The following CSTF2 variants were observed in gnomAD, a reference collection of about 807,000 sequenced individuals.
The protein encoded by CSTF2 is CF-1 64 kDa subunit.
A neutral mutation model predicts 45.4 loss-of-function variants in CSTF2; 8 were observed. The observed-to-expected ratio is 0.18, with a 90% CI of 0.10 to 0.32. The LOEUF (loss-of-function observed/expected upper bound fraction) is 0.32, where lower values mean the gene tolerates loss of function less well. Ranked by LOEUF, CSTF2 falls within the 10% of genes least tolerant of loss-of-function variation. CSTF2 has a pLI of 1.00. For synonymous variants in CSTF2, 155 were observed against 158.9 expected, an observed-to-expected ratio of 0.98 and a Z score of 0.18; for missense variants, 253 against 477.1, an observed-to-expected ratio of 0.53 and a Z score of 4.38.
In CSTF2 at chrX:100,838,316, C is replaced by T. The variant is rs746865264; in HGVS notation, c.1689C>T (p.Ile563=). 2.5e-5 allele frequency: 30 copies of T among 1,202,489 alleles called. No homozygotes were observed. The South Asian group carries it at 4.9e-4, about 20-fold the overall frequency. The change falls in exon 13 of 14, where the codon ATC becomes ATT. Residue 563 remains isoleucine, a synonymous_variant. Transcript: ENST00000372972. ...TGCCTCCTGAGCAAAGGCAGAGTAT[C>T]CTGATTTTAAAGGAACAAATACAGA... ...AMLPPEQRQS[I]LILKEQIQKS... is the part of the protein sequence containing the mutation.
intron 11 of CSTF2, among the ~76,000 whole-genome samples, chrX:100,836,677 G>C (rs1376387661): frequency 8.9e-6 from 1 of 112,087 alleles, no homozygotes; most frequent in Non-Finnish European, 1.9e-5. Context: ...TTAAGTACCA[G>C]TAAGTATGAT....
In CSTF2 at chrX:100,821,700, T is replaced by G. The variant is rs2084918726; in HGVS notation, c.137+95T>G. 8 of 574,437 alleles carry G rather than the reference T, an allele frequency of 1.4e-5. No homozygotes were observed. The South Asian group carries it at 2.1e-4, about 15-fold the overall frequency. 47.3% of individuals were successfully genotyped at this position (574,437 alleles called of 1,213,427 possible). Reference sequence around the variant, plus strand: ...TGGCAGGTTTTCTTTACTGGTGACTTTTCACATACATTTTGTTCTTGTAAC... The same window carrying G: ...TGGCAGGTTTTCTTTACTGGTGACTGTTCACATACATTTTGTTCTTGTAAC... On this transcript the variant is annotated intron_variant, in intron 2 of 13. Transcript: ENST00000372972.
At chrX:100,833,076 G>A in intron 10 of CSTF2, 104 bp from the exon 11 acceptor site, 1 of 1,007,429 alleles carries the variant, frequency 9.9e-7, no homozygotes, top group Non-Finnish European at 1.3e-6. Flanking sequence ...TAGCTGAGGG[G>A]ACAAATGTGA....
intron 7 of CSTF2, among the ~76,000 whole-genome samples, chrX:100,827,581 C>A (rs1223141172): frequency 8.9e-6 from 1 of 111,947 alleles, no homozygotes; most frequent in Non-Finnish European, 1.9e-5. Flanking sequence ...TGTAGAGAAT[C>A]CAGTCTGCAG....
At chrX:100,827,027 C>T (rs1040764357) in intron 7 of CSTF2, among the ~76,000 whole-genome samples, 1 of 111,034 alleles carries the variant, frequency 9.0e-6, no homozygotes, top group Admixed American at 9.6e-5. Context: ...GAAACAAAAT[C>T]AAGCCAGCAA....
chrX:100,835,792 T>C (rs2085004578), intron 11 of CSTF2, among the ~76,000 whole-genome samples: 1 of 110,972 alleles, frequency 9.0e-6, no homozygotes. Flanking sequence ...CTAGTACTTG[T>C]CTGCCTAGAA....
rs755231782 is a variant in CSTF2, at chrX:100,828,427, A to G, written c.889+325A>G. Among the ~76,000 whole-genome samples the G allele has an allele frequency of 2.7e-5, 3 of 112,075 alleles. No homozygotes were observed. The East Asian group carries it at 8.4e-4, about 31-fold the overall frequency. Reference sequence around the variant, plus strand: ...CTCTACAAGAATTGATAATGAAGCAAGTGGATCGTTTGTTTCCTGATTCCT... The same window carrying G: ...CTCTACAAGAATTGATAATGAAGCAGGTGGATCGTTTGTTTCCTGATTCCT... On this transcript the variant is annotated intron_variant, in intron 8 of 13. Transcript: ENST00000372972.
intron 11 of CSTF2, among the ~76,000 whole-genome samples, chrX:100,835,547 C>T (rs1320241307): frequency 5.4e-4 from 54 of 100,801 alleles, no homozygotes; most frequent in African/African-American, 1.9e-3. Flanking sequence ...TGTTCTATAC[C>T]TTTTTTTTTT....
chrX:100,822,110 A>AT, intron 2 of CSTF2, 141 bp from the exon 3 acceptor site: 2 of 446,726 alleles, frequency 4.5e-6, no homozygotes, highest in Non-Finnish European at 7.2e-6. Flanking sequence ...AAAAAAAAAA[A>AT]GTTTTAAAAA....
rs752284093 is a variant in CSTF2 at position 100,826,615 on chromosome X, G to GT, written c.703-11dup. Reference sequence around the variant, plus strand: ...ATCCACAGAGGCATATACATACTCTGTTTTTTTTGCTTGGTCAGGGTGGAA... The same window carrying GT: ...ATCCACAGAGGCATATACATACTCTGTTTTTTTTTGCTTGGTCAGGGTGGAA... On this transcript the variant is annotated intron_variant, in intron 6 of 13. Transcript: ENST00000372972. The GT allele has an allele frequency of 7.2e-5, 87 of 1,200,294 alleles. No individual in the cohort carries two copies. Among genetic ancestry groups the GT allele is most frequent in the Admixed American group, 2.6e-4 (12 of 45,483 alleles).
At chrX:100,835,371 G>A (rs969945935) in intron 11 of CSTF2, among the ~76,000 whole-genome samples, 2 of 109,286 alleles carry the variant, frequency 1.8e-5, no homozygotes, top group African/African-American at 3.3e-5. Flanking sequence ...TTGGAGGCCC[G>A]CCTACACAAG....
rs199627750 is a variant in CSTF2, at chrX:100,824,150, A to G, written c.595A>G (p.Thr199Ala). ...KILHRQTNIP[T>A]LIAGNPQPVH... ...TCTGCATCGCCAGACAAATATCCCAACGCTGATTGCAGGCAACCCTCAGCC... is the reference window on the plus strand; with the variant it reads ...TCTGCATCGCCAGACAAATATCCCAGCGCTGATTGCAGGCAACCCTCAGCC... The change falls in exon 6 of 14, where the codon ACG becomes GCG. Residue 199 changes from threonine to alanine, a missense_variant. Around this residue, in one of 3 missense-constraint regions of CSTF2, gnomAD observed 200 missense variants for 294.0 expected, o/e 0.68. Transcript: ENST00000372972. The G allele has an allele frequency of 1.7e-5, 20 of 1,210,465 alleles. No homozygotes were observed. In the Admixed American group the frequency reaches 3.3e-4, roughly 20 times the overall value.
Sources: gnomAD v4.1 joint callset for allele counts (sites outside exome capture counted in the v4.1 genomes callset) on GRCh38, gnomAD v4.1.1 for gene constraint, gnomAD v4.1.1 regional missense constraint, MANE v1.5 for transcripts, NCBI Gene and HGNC (gene_info 2026-07-23, HGNC 2026-07-21) for gene names.